COL10A1: variants seen among roughly 807,000 people sequenced by gnomAD.
COL10A1 encodes collagen alpha-1(X) chain.
COL10A1 carries 10 observed loss-of-function variants against 18.2 expected under a neutral mutation model. That is an observed-to-expected ratio of 0.55 (90% CI 0.34 to 0.93). The LOEUF is 0.93. Ranked by LOEUF, COL10A1 falls within the 40% of genes least tolerant of loss-of-function variation. The probability of loss-of-function intolerance (pLI) is 0.02; values close to 1 mark genes in which losing one functional copy is unlikely to be tolerated. For synonymous variants in COL10A1, 330 were observed against 316.6 expected (o/e 1.04, Z -0.45); for missense variants, 897 against 853.5 (o/e 1.05, Z -0.64).
chr6:116,124,078 A>G (rs1418452760), intron 2 of COL10A1, among the ~76,000 whole-genome samples: 1 of 151,972 alleles, frequency 6.6e-6, no homozygotes, highest in East Asian at 1.9e-4. Context: ...ATTTTTATTT[A>G]TATTTTGAGA....
the COL10A1 span, among the ~76,000 whole-genome samples, chr6:116,170,268 T>A: frequency 6.6e-6 from 1 of 152,106 alleles, no homozygotes; most frequent in African/African-American, 2.4e-5. Flanking sequence ...TTGGGGGGTG[T>A]GACCTGATTA....
the COL10A1 span, among the ~76,000 whole-genome samples, chr6:116,199,999 T>G: frequency 0.53 from 60,771 of 114,606 alleles, 16,390 homozygotes; most frequent in African/African-American, 0.8. Context: ...GTATGGAAAG[T>G]GGGGGGGGAA....
Position 116,121,236 on chromosome 6 carries a change from C to T in COL10A1, c.880G>A (p.Gly294Arg), listed in dbSNP as rs571117210. ...CCTGGTTTCCCAAAGCCAGGAGGCC[C>T]TGGGGGCCCAGCTATTCCTGGAGCC... Reference protein sequence around the residue: ...PGAPGIAGPPGPPGFGKPGLP... With the variant: ...PGAPGIAGPPRPPGFGKPGLP... The change falls in exon 3 of 3, where the codon GGG (glycine) becomes AGG (arginine). Residue 294 changes from glycine (G) to arginine (R), a missense_variant. Transcript: ENST00000651968. 9 of 1,613,780 alleles carry T rather than the reference C, an allele frequency of 5.6e-6. No homozygotes were observed. Among genetic ancestry groups the T allele is most frequent in the African/African-American group, 1.3e-5 (1 of 75,018 alleles).
the COL10A1 span, among the ~76,000 whole-genome samples, chr6:116,209,434 A>G: frequency 6.6e-6 from 1 of 152,014 alleles, no homozygotes; most frequent in Non-Finnish European, 1.5e-5. Context: ...ATAAACATGA[A>G]TGTTAAGATG....
the COL10A1 span, among the ~76,000 whole-genome samples, chr6:116,179,557 A>C: frequency 6.6e-6 from 1 of 152,186 alleles, no homozygotes; most frequent in Non-Finnish European, 1.5e-5. Flanking sequence ...ACTAATGATC[A>C]GGGAAACGCA....
At chr6:116,159,148 G>T (rs751325622), upstream of COL10A1, among the ~76,000 whole-genome samples, 1 of 151,914 alleles carries the variant, frequency 6.6e-6, no homozygotes, top group Admixed American at 6.6e-5. Flanking sequence ...CATTGCTCTG[G>T]GATCAATGTT....
upstream of COL10A1, among the ~76,000 whole-genome samples, chr6:116,161,314 A>G (rs1582844082): frequency 6.6e-6 from 1 of 152,076 alleles, no homozygotes; most frequent in South Asian, 2.1e-4. Context: ...CACATTGTGC[A>G]CATGTACCCT....
chr6:116,133,825 G>A (rs1779525022), intron 1 of COL10A1, among the ~76,000 whole-genome samples: 1 of 152,052 alleles, frequency 6.6e-6, no homozygotes, highest in Non-Finnish European at 1.5e-5. Context: ...CTCTTTGCCT[G>A]CTTTCTTTCA....
At position 116,148,338 on chromosome 6, in the gene COL10A1, A is replaced by C. The variant is rs182243776; in HGVS notation, c.-16+10276T>G. 2.8e-3 allele frequency among the ~76,000 whole-genome samples: 428 copies of C among 152,346 alleles called. 2 individuals are homozygous for C. Among genetic ancestry groups the C allele is most frequent in the African/African-American group, 0.01 (416 of 41,580 alleles). Reference sequence around the variant, plus strand: ...TTTTAAAAATCCTTACAAAAAGACAAAAAGCAAAATAGAAAATATTGTAGC... The same window carrying C: ...TTTTAAAAATCCTTACAAAAAGACACAAAGCAAAATAGAAAATATTGTAGC... On this transcript the variant is annotated intron_variant, in intron 1 of 1. Transcript: ENST00000418500.
At chr6:116,216,788 TG>T in the COL10A1 span, among the ~76,000 whole-genome samples, 1 of 152,180 alleles carries the variant, frequency 6.6e-6, no homozygotes, top group East Asian at 1.9e-4. Flanking sequence ...AATATTTCAG[TG>T]TCTCTTAGCA....
intron 2 of COL10A1, among the ~76,000 whole-genome samples, chr6:116,122,331 T>TAAA (rs1184120404): frequency 6.6e-6 from 1 of 152,136 alleles, no homozygotes; most frequent in Non-Finnish European, 1.5e-5. Context: ...AGTGAGAAAA[T>TAAA]GTTTAAGAAC....
At chr6:116,187,977 T>TA in the COL10A1 span, among the ~76,000 whole-genome samples, 1 of 151,898 alleles carries the variant, frequency 6.6e-6, no homozygotes, top group South Asian at 2.1e-4. Context: ...TTATCTAGTG[T>TA]AAAAAAGACC....
At chr6:116,157,158 T>C (rs929141379) in intron 1 of COL10A1, among the ~76,000 whole-genome samples, 4 of 152,194 alleles carry the variant, frequency 2.6e-5, no homozygotes, top group Non-Finnish European at 5.9e-5. Flanking sequence ...TTTGGTAATA[T>C]GTGTATCCCA....
chr6:116,169,482 G>GT, the COL10A1 span, among the ~76,000 whole-genome samples: 1 of 152,164 alleles, frequency 6.6e-6, no homozygotes, highest in Non-Finnish European at 1.5e-5. Flanking sequence ...GATAGGTGCC[G>GT]TAAGTTCTGT....
the COL10A1 span, among the ~76,000 whole-genome samples, chr6:116,165,792 G>T: frequency 6.6e-5 from 10 of 152,328 alleles, no homozygotes; most frequent in African/African-American, 9.6e-5. Flanking sequence ...GCTCCCCAGG[G>T]ACCTGCTGGT....
the COL10A1 span, among the ~76,000 whole-genome samples, chr6:116,210,188 C>T: frequency 3.3e-5 from 5 of 152,018 alleles, no homozygotes; most frequent in African/African-American, 9.6e-5. Flanking sequence ...TCCTTTATGG[C>T]TTTTGAGTTC....
At chr6:116,216,226 T>C in the COL10A1 span, among the ~76,000 whole-genome samples, 1 of 152,168 alleles carries the variant, frequency 6.6e-6, no homozygotes, top group African/African-American at 2.4e-5. Context: ...ATAAAGATAC[T>C]ATAAAATTCA....
At chr6:116,193,751 A>T in the COL10A1 span, among the ~76,000 whole-genome samples, 1 of 123,540 alleles carries the variant, frequency 8.1e-6, no homozygotes, top group Non-Finnish European at 1.7e-5. Context: ...GGACTTAAAC[A>T]TATAATTATA....
the COL10A1 span, among the ~76,000 whole-genome samples, chr6:116,192,891 C>G: frequency 1.4e-4 from 21 of 152,198 alleles, no homozygotes; most frequent in African/African-American, 5.1e-4. Flanking sequence ...CACGTTGCAT[C>G]TTCAGCAGAC....
Sources: gnomAD v4.1 joint callset for allele counts (sites outside exome capture counted in the v4.1 genomes callset) on GRCh38, gnomAD v4.1.1 for gene constraint, MANE v1.5 for transcripts, NCBI Gene and HGNC (gene_info 2026-07-23, HGNC 2026-07-21) for gene names.